SPTLC3: variants seen among roughly 807,000 people sequenced by gnomAD.
SPTLC3 encodes serine palmitoyltransferase long chain base subunit 3.
SPTLC3 carries 36 observed loss-of-function variants against 59.3 expected under a neutral mutation model. The ratio of observed to expected loss-of-function variants is 0.61; its 90% confidence interval spans 0.47 to 0.80. SPTLC3 has a LOEUF of 0.80. SPTLC3 is among the 30% of genes least tolerant of loss of function. SPTLC3 has a pLI of 0.00. For missense variants in SPTLC3, 625 were observed against 685.1 expected (o/e 0.91, Z 0.98); for synonymous variants, 257 against 240.8 (o/e 1.07, Z -0.62).
intron 6 of SPTLC3, among the ~76,000 whole-genome samples, chr20:13,107,028 A>G (rs1989939862): frequency 6.6e-6 from 1 of 152,212 alleles, no homozygotes; most frequent in Non-Finnish European, 1.5e-5. Flanking sequence ...AGCAAGTTCC[A>G]TCTTGGAAAT....
intron 1 of SPTLC3, among the ~76,000 whole-genome samples, chr20:13,017,659 A>G (rs1048762751): frequency 6.6e-6 from 1 of 152,096 alleles, no homozygotes; most frequent in African/African-American, 2.4e-5. Context: ...CATTAGTGTT[A>G]GTGTATTTTA....
In SPTLC3 at chr20:13,021,617, G is replaced by A. The variant is rs115046249; in HGVS notation, c.117+12233G>A. ...TTCTTGTCAGTGTAACTGCATCCCT[G>A]CACGTCTCAAGTTAGCCAACTGGGT... is the stretch of plus-strand genomic sequence containing the variant. On this transcript the variant is annotated intron_variant, in intron 1 of 11. Coordinates refer to ENST00000399002, the MANE Select transcript of SPTLC3 (RefSeq NM_018327.4). Among the ~76,000 whole-genome samples, 1,132 of 122,220 alleles carry A rather than the reference G, an allele frequency of 9.3e-3. 21 individuals carry two copies. Among genetic ancestry groups the A allele is most frequent in the African/African-American group, 0.034 (1,068 of 31,826 alleles). 80.2% of individuals were successfully genotyped at this position (122,220 alleles called of 152,430 possible).
rs373035279 is a variant in SPTLC3 at position 13,153,986 on chromosome 20, C to T, written c.1280-17C>T. On this transcript the variant is annotated splice_polypyrimidine_tract_variant and intron_variant, in intron 9 of 11. Transcript: ENST00000399002. ...TTCTAGTGGGAATTGATGGATTTCA[C>T]GCCTGTCTCTTTTCAGGGCTGCAGA... The T allele has an allele frequency of 5.1e-5, 83 of 1,612,454 alleles. No individual in the cohort carries two copies. Among genetic ancestry groups the T allele is most frequent in the African/African-American group, 9.3e-5 (7 of 74,988 alleles).
intron 1 of SPTLC3, among the ~76,000 whole-genome samples, chr20:13,038,946 T>G (rs192616680): frequency 1.3e-5 from 2 of 152,264 alleles, no homozygotes; most frequent in South Asian, 2.1e-4. Flanking sequence ...ATTTGTAAAT[T>G]TTCCCATTTT....
chr20:13,067,184 A>T, intron 2 of SPTLC3, among the ~76,000 whole-genome samples: 1 of 151,130 alleles, frequency 6.6e-6, no homozygotes, highest in African/African-American at 2.4e-5. Context: ...TCTTCTTGTT[A>T]TGTGGACTCT....
At chr20:13,101,521 A>T (rs1466210076) in intron 6 of SPTLC3, among the ~76,000 whole-genome samples, 1 of 152,096 alleles carries the variant, frequency 6.6e-6, no homozygotes, top group Non-Finnish European at 1.5e-5. Flanking sequence ...TGCATTTTCT[A>T]CTGTGGGCAG....
chr20:13,164,258 C>A, intron 11 of SPTLC3: 1 of 444,706 alleles, frequency 2.2e-6, no homozygotes. Context: ...TTCTGGGACA[C>A]AGAGATGAGT....
chr20:13,078,956 A>G (rs914704841), intron 4 of SPTLC3, among the ~76,000 whole-genome samples: 3 of 152,190 alleles, frequency 2.0e-5, no homozygotes, highest in African/African-American at 7.2e-5. Flanking sequence ...TAATTCATAC[A>G]GTAAAGTTAA....
chr20:13,134,517 C>T (rs1267336641), intron 9 of SPTLC3, among the ~76,000 whole-genome samples: 2 of 152,140 alleles, frequency 1.3e-5, no homozygotes, highest in Non-Finnish European at 2.9e-5. Flanking sequence ...GGTCATCATA[C>T]AGCAGTGGTT....
chr20:13,086,663 CT>C (rs1189556839), intron 4 of SPTLC3, among the ~76,000 whole-genome samples: 1 of 152,202 alleles, frequency 6.6e-6, no homozygotes, highest in Non-Finnish European at 1.5e-5. Context: ...ATACAAATCA[CT>C]TTGCTAACCA....
chr20:13,134,827 A>C (rs1269525295), intron 9 of SPTLC3, among the ~76,000 whole-genome samples: 1 of 152,206 alleles, frequency 6.6e-6, no homozygotes, highest in African/African-American at 2.4e-5. Flanking sequence ...CGAAAGAGAA[A>C]AGCATGAAAT....
At chr20:13,014,932 C>T (rs996012317) in intron 1 of SPTLC3, among the ~76,000 whole-genome samples, 7 of 152,110 alleles carry the variant, frequency 4.6e-5, no homozygotes, top group African/African-American at 1.4e-4. Flanking sequence ...CAGGTGCTTG[C>T]AGTAAGAAAT....
intron 1 of SPTLC3, among the ~76,000 whole-genome samples, chr20:13,017,126 C>A (rs1254522514): frequency 6.6e-6 from 1 of 152,082 alleles, no homozygotes; most frequent in African/African-American, 2.4e-5. Context: ...GCAGACACAG[C>A]CTTAAAGGGC....
At chr20:13,053,504 C>T (rs1281580462) in intron 2 of SPTLC3, among the ~76,000 whole-genome samples, 3 of 152,050 alleles carry the variant, frequency 2.0e-5, no homozygotes, top group Non-Finnish European at 4.4e-5. Flanking sequence ...CACAACTCCT[C>T]GCCAGCAAGG....
intron 6 of SPTLC3, among the ~76,000 whole-genome samples, chr20:13,102,836 ACACCCT>A (rs1352062371): frequency 2.6e-5 from 4 of 152,142 alleles, no homozygotes; most frequent in Non-Finnish European, 5.9e-5. Context: ...AGCCTATTGG[ACACCCT>A]GTCCCTGGTT....
chr20:13,028,407 T>C (rs1387349982), intron 1 of SPTLC3, among the ~76,000 whole-genome samples: 2 of 152,070 alleles, frequency 1.3e-5, no homozygotes, highest in Admixed American at 1.3e-4. Context: ...TGTACCAAAG[T>C]TTTTATTCTG....
chr20:13,109,989 T>G, intron 6 of SPTLC3, 123 bp from the exon 7 acceptor site: 1 of 724,684 alleles, frequency 1.4e-6, no homozygotes, highest in Non-Finnish European at 2.2e-6. Context: ...GGTTCTCTGA[T>G]TCTGAATTTG....
chr20:13,116,706 G>A (rs1990572554), intron 7 of SPTLC3, among the ~76,000 whole-genome samples: 1 of 152,120 alleles, frequency 6.6e-6, no homozygotes, highest in African/African-American at 2.4e-5. Context: ...AACAGTTAGG[G>A]CTAAAACAAA....
intron 9 of SPTLC3, among the ~76,000 whole-genome samples, chr20:13,142,904 C>T (rs1327629170): frequency 6.6e-6 from 1 of 151,536 alleles, no homozygotes; most frequent in Non-Finnish European, 1.5e-5. Context: ...ATCAAATACC[C>T]CGCCTCTCTC....
Sources: gnomAD v4.1 joint callset for allele counts (sites outside exome capture counted in the v4.1 genomes callset) on GRCh38, gnomAD v4.1.1 for gene constraint, MANE v1.5 for transcripts, NCBI Gene and HGNC (gene_info 2026-07-23, HGNC 2026-07-21) for gene names.